The following PKIA variants were observed in gnomAD, a reference collection of about 807,000 sequenced individuals.
PKIA encodes cAMP-dependent protein kinase inhibitor alpha, also known as PKI-alpha.
PKIA carries 4 observed loss-of-function variants against 7.6 expected under a neutral mutation model. The ratio of observed to expected loss-of-function variants is 0.52; its 90% CI spans 0.26 to 1.20. The LOEUF is 1.20. Among genes scored for constraint, PKIA ranks in the 50% most tolerant of loss-of-function variants. The pLI, the probability that PKIA is intolerant of heterozygous loss-of-function variation, is 0.13. For missense variants in PKIA, 73 were observed against 86.2 expected (o/e 0.85, Z 0.61); for synonymous variants, 21 against 30.7 (o/e 0.68, Z 1.04).
At chr8:78,546,333 GAGAC>G (rs35656244) in intron 1 of PKIA, among the ~76,000 whole-genome samples, 26,086 of 151,976 alleles carry the variant, frequency 0.17, 3,192 homozygotes, top group African/African-American at 0.35. Flanking sequence ...TAAGAAGGAA[GAGAC>G]AGACGGTCAG....
intron 1 of PKIA, among the ~76,000 whole-genome samples, chr8:78,524,062 T>TTATATATATAAATATATATAAACGTTTA (rs1809484591): frequency 1.7e-5 from 2 of 120,546 alleles, no homozygotes; most frequent in Non-Finnish European, 1.6e-5. Flanking sequence ...ATATAAACAT[T>TTATATATATAAATATATATAAACGTTTA]TATATTTATA....
chr8:78,592,756 T>C (rs1808131768), intron 2 of PKIA, among the ~76,000 whole-genome samples: 3 of 152,216 alleles, frequency 2.0e-5, no homozygotes, highest in African/African-American at 7.2e-5. Context: ...CACAAGACAC[T>C]TTCTTTTATA....
intron 1 of PKIA, among the ~76,000 whole-genome samples, chr8:78,528,428 C>A (rs879747709): frequency 4.0e-5 from 6 of 151,894 alleles, no homozygotes; most frequent in African/African-American, 1.2e-4. Context: ...CTCTACAGTT[C>A]AAAAATGCTT....
intron 1 of PKIA, among the ~76,000 whole-genome samples, chr8:78,563,907 G>T (rs1807341763): frequency 6.6e-6 from 1 of 152,072 alleles, no homozygotes; most frequent in Non-Finnish European, 1.5e-5. Flanking sequence ...GAGTAGGTCG[G>T]CTGTGGAAGA....
At chr8:78,553,514 C>T (rs532311979) in intron 1 of PKIA, among the ~76,000 whole-genome samples, 1 of 152,036 alleles carries the variant, frequency 6.6e-6, no homozygotes, top group Admixed American at 6.6e-5. Flanking sequence ...TATTTGACTG[C>T]TGTCTCTTAT....
intron 1 of PKIA, among the ~76,000 whole-genome samples, chr8:78,542,127 C>T (rs933507581): frequency 6.6e-6 from 1 of 152,108 alleles, no homozygotes. Context: ...GGCACCACTG[C>T]ACTTCAGCCT....
intron 2 of PKIA, among the ~76,000 whole-genome samples, chr8:78,593,873 T>C (rs1808163819): frequency 6.6e-6 from 1 of 152,162 alleles, no homozygotes; most frequent in African/African-American, 2.4e-5. Flanking sequence ...ACTTCTAGAC[T>C]GAAGTAGATG....
intron 1 of PKIA, among the ~76,000 whole-genome samples, chr8:78,563,233 G>A (rs1563580887): frequency 6.6e-6 from 1 of 152,094 alleles, no homozygotes; most frequent in Non-Finnish European, 1.5e-5. Flanking sequence ...ACCTTTCAAT[G>A]CCTCAGTTTT....
intron 1 of PKIA, among the ~76,000 whole-genome samples, chr8:78,563,736 A>C (rs981802432): frequency 6.6e-6 from 1 of 152,144 alleles, no homozygotes; most frequent in African/African-American, 2.4e-5. Flanking sequence ...GTGGAAAAAA[A>C]ATCTATAAAG....
At chr8:78,538,291 C>T (rs150191722) in intron 1 of PKIA, among the ~76,000 whole-genome samples, 1 of 152,184 alleles carries the variant, frequency 6.6e-6, no homozygotes, top group Non-Finnish European at 1.5e-5. Context: ...TGAACAACAA[C>T]CCACCTTATT....
At chr8:78,547,525 C>A (rs1036922402) in intron 1 of PKIA, among the ~76,000 whole-genome samples, 4 of 152,128 alleles carry the variant, frequency 2.6e-5, no homozygotes, top group Admixed American at 2.6e-4. Flanking sequence ...ACTTATGTTA[C>A]AAATGAGGAA....
At chr8:78,584,228 C>T (rs1419663494) in intron 2 of PKIA, among the ~76,000 whole-genome samples, 1 of 151,758 alleles carries the variant, frequency 6.6e-6, no homozygotes, top group African/African-American at 2.4e-5. Flanking sequence ...ATATAGCTCT[C>T]AGTTGAAAAA....
At chr8:78,572,360 T>G (rs1807569233) in intron 1 of PKIA, among the ~76,000 whole-genome samples, 1 of 151,830 alleles carries the variant, frequency 6.6e-6, no homozygotes, top group Non-Finnish European at 1.5e-5. Flanking sequence ...AAGAACTAAA[T>G]TTAGTCAAAT....
At chr8:78,565,768 G>A (rs912158103) in intron 1 of PKIA, among the ~76,000 whole-genome samples, 2 of 151,708 alleles carry the variant, frequency 1.3e-5, no homozygotes, top group Admixed American at 6.6e-5. Flanking sequence ...AGGCACTCAC[G>A]GCATTGTTAG....
chr8:78,520,585 G>T (rs1309133758), intron 1 of PKIA, among the ~76,000 whole-genome samples: 1 of 152,146 alleles, frequency 6.6e-6, no homozygotes, highest in African/African-American at 2.4e-5. Context: ...GCTCTTTGAA[G>T]TGTAACAGAG....
At chr8:78,590,216 G>T (rs749720322) in intron 2 of PKIA, among the ~76,000 whole-genome samples, 5 of 151,512 alleles carry the variant, frequency 3.3e-5, no homozygotes, top group Non-Finnish European at 5.9e-5. Flanking sequence ...AATTAAATGT[G>T]CTACCGTTTG....
chr8:78,572,541 G>GCACACACACACA (rs1554582465), intron 1 of PKIA, among the ~76,000 whole-genome samples: 15 of 98,444 alleles, frequency 1.5e-4, no homozygotes, highest in African/African-American at 5.3e-4. Flanking sequence ...AAAGCTGCAC[G>GCACACACACACA]CACACACACA....
intron 1 of PKIA, among the ~76,000 whole-genome samples, chr8:78,571,752 G>T (rs1240486747): frequency 6.6e-6 from 1 of 151,954 alleles, no homozygotes; most frequent in Non-Finnish European, 1.5e-5. Context: ...CTTCTCTCAG[G>T]CTCTGCTTCT....
At chr8:78,537,221 G>A in intron 1 of PKIA, among the ~76,000 whole-genome samples, 1 of 150,786 alleles carries the variant, frequency 6.6e-6, no homozygotes, top group African/African-American at 2.4e-5. Flanking sequence ...TTCTTTCATG[G>A]CAAACCCTGA....
Sources: gnomAD v4.1 joint callset for allele counts (sites outside exome capture counted in the v4.1 genomes callset) on GRCh38, gnomAD v4.1.1 for gene constraint, MANE v1.5 for transcripts, NCBI Gene and HGNC (gene_info 2026-07-23, HGNC 2026-07-21) for gene names.